Variants in SMARCA2 observed in about 807,000 individuals in gnomAD.
SMARCA2 encodes SWI/SNF related BAF chromatin remodeling complex subunit ATPase 2.
Under a neutral mutation model 199.8 loss-of-function variants are expected in SMARCA2, and 61 were observed. The observed-to-expected ratio is 0.31, with a 90% confidence interval of 0.25 to 0.38. The LOEUF is 0.38. SMARCA2 is among the 10% of genes least tolerant of loss of function. SMARCA2 has a pLI of 1.00. For missense variants in SMARCA2, 1,344 were observed against 2,012.2 expected (o/e 0.67, Z 6.35); for synonymous variants, 935 against 732.0 (o/e 1.28, Z -4.48).
intron 26 of SMARCA2, among the ~76,000 whole-genome samples, chr9:2,121,347 C>G (rs997085855): frequency 1.3e-5 from 2 of 152,148 alleles, no homozygotes; most frequent in African/African-American, 4.8e-5. Flanking sequence ...TTTGTAGGCA[C>G]TTTGATTTTG....
At chr9:2,074,038 C>G (rs1027741202) in intron 12 of SMARCA2, among the ~76,000 whole-genome samples, 1 of 152,114 alleles carries the variant, frequency 6.6e-6, no homozygotes, top group African/African-American at 2.4e-5. Flanking sequence ...ATTTGCAATT[C>G]TGAGTCTGGA....
In SMARCA2 at chr9:2,108,347, C is replaced by A. The variant is rs909434729; in HGVS notation, c.3293-1907C>A. On this transcript the variant is annotated intron_variant, in intron 23 of 33. Transcript: ENST00000349721. Reference sequence around the variant, plus strand: ...GCAGCAAGACCTTCAGCTACTGCAGCCTTCAGCTTCATGGAAAAAGAGAAA... The same window carrying A: ...GCAGCAAGACCTTCAGCTACTGCAGACTTCAGCTTCATGGAAAAAGAGAAA... Among the ~76,000 whole-genome samples, 6 of 152,324 alleles carry A rather than the reference C, an allele frequency of 3.9e-5. No individual in the cohort carries two copies. The East Asian group carries it at 9.6e-4, about 24-fold the overall frequency.
intron 32 of SMARCA2, 103 bp downstream of exon 32, chr9:2,186,331 G>T: frequency 1.6e-6 from 2 of 1,229,330 alleles, no homozygotes; most frequent in African/African-American, 3.3e-5. Flanking sequence ...GGCAGATCTG[G>T]ATTGGAGCCC....
In SMARCA2 at chr9:2,135,928, G is replaced by A. The variant is rs138277193; in HGVS notation, c.3981+11991G>A. Among the ~76,000 whole-genome samples the A allele has an allele frequency of 1.1e-4, 17 of 152,084 alleles. No individual in the cohort carries two copies. The East Asian group carries it at 2.3e-3, about 21-fold the overall frequency. On this transcript the variant is annotated intron_variant, in intron 27 of 33. Coordinates refer to ENST00000349721, the MANE Select transcript of SMARCA2 (RefSeq NM_003070.5). Reference sequence around the variant, plus strand: ...GCAATCTTGGCTCATTGCTACCTCCGCCTCCCAGGTTCAAGTAATTCTTCT... The same window carrying A: ...GCAATCTTGGCTCATTGCTACCTCCACCTCCCAGGTTCAAGTAATTCTTCT...
At chr9:2,025,917 G>A (rs1484589234) in intron 1 of SMARCA2, among the ~76,000 whole-genome samples, 4 of 152,168 alleles carry the variant, frequency 2.6e-5, no homozygotes, top group Non-Finnish European at 5.9e-5. Flanking sequence ...GGGCAGCCCT[G>A]ATTTTGCCTT....
chr9:2,046,273 C>T (rs1013501644), intron 4 of SMARCA2, among the ~76,000 whole-genome samples: 3 of 152,160 alleles, frequency 2.0e-5, no homozygotes, highest in African/African-American at 7.2e-5. Context: ...AAATTTAAGT[C>T]TGTACCTAGT....
At chr9:2,175,454 C>T (rs1176819616) in intron 29 of SMARCA2, among the ~76,000 whole-genome samples, 2 of 152,084 alleles carry the variant, frequency 1.3e-5, no homozygotes, top group Admixed American at 6.5e-5. Flanking sequence ...TTGCAACATA[C>T]AACATATTAA....
At chr9:2,032,701 T>C (rs1819124205) in intron 2 of SMARCA2, 2 of 328,498 alleles carry the variant, frequency 6.1e-6, no homozygotes, top group South Asian at 4.8e-5. Flanking sequence ...TTTCATTGCC[T>C]GTTCTGATAT....
At chr9:2,190,003 C>A (rs1458259257) in intron 32 of SMARCA2, among the ~76,000 whole-genome samples, 1 of 152,180 alleles carries the variant, frequency 6.6e-6, no homozygotes, top group Admixed American at 6.5e-5. Context: ...TCTAGCAAAG[C>A]TAGCTTGAAT....
rs1822934592 is a variant in SMARCA2 at position 2,110,183 on chromosome 9, C to G, written c.3293-71C>G. 3.2e-6 allele frequency: 4 copies of G among 1,253,502 alleles called. No individual in the cohort carries two copies. Among genetic ancestry groups the G allele is most frequent in the South Asian group, 1.5e-5 (1 of 66,038 alleles). 77.6% of individuals were successfully genotyped at this position (1,253,502 alleles called of 1,614,324 possible). A position where few individuals can be genotyped will look rare whatever the true frequency, so the allele number is the denominator to read the frequency against. ...GGGTATATTTCTTGAAGGAAGCAAG[C>G]CTTTTTGTCTCATTCTGTGCCATTT... On this transcript the variant is annotated intron_variant, in intron 23 of 33. Coordinates refer to ENST00000349721, the MANE Select transcript of SMARCA2 (RefSeq NM_003070.5). This position sits in a 1 kb window ranked among gnomAD's most constrained non-coding sequence, Gnocchi z 4.8.
At position 2,104,184 on chromosome 9, in the gene SMARCA2, C is replaced by T. The variant is rs2130556495; in HGVS notation, c.3292+15C>T. 2.5e-6 allele frequency: 4 copies of T among 1,603,792 alleles called. No individual in the cohort carries two copies. The highest frequency in any genetic ancestry group is 3.4e-6 in the Non-Finnish European group (4 of 1,173,040). On this transcript the variant is annotated intron_variant, in intron 23 of 33. Coordinates refer to ENST00000349721, the MANE Select transcript of SMARCA2 (RefSeq NM_003070.5). This position sits in a 1 kb window ranked among gnomAD's most constrained non-coding sequence, Gnocchi z 4.0. ...ACGCCTTGATGGTAAGTGCATAAGGCATTAGGCTCGGAAGCCATACTACTG... is the reference window on the plus strand; with the variant it reads ...ACGCCTTGATGGTAAGTGCATAAGGTATTAGGCTCGGAAGCCATACTACTG...
At chr9:2,144,635 C>CT (rs1824632592) in intron 27 of SMARCA2, among the ~76,000 whole-genome samples, 1 of 152,156 alleles carries the variant, frequency 6.6e-6, no homozygotes, top group Non-Finnish European at 1.5e-5. Flanking sequence ...GGATTGGAGT[C>CT]TATGATCTAG....
intron 28 of SMARCA2, among the ~76,000 whole-genome samples, chr9:2,163,366 C>A (rs1000479408): frequency 4.6e-5 from 7 of 152,160 alleles, no homozygotes; most frequent in African/African-American, 1.7e-4. Flanking sequence ...ACCAACGGTT[C>A]ATTAATGAAG....
chr9:2,038,145 T>C (rs1819412324), intron 3 of SMARCA2, among the ~76,000 whole-genome samples: 1 of 152,242 alleles, frequency 6.6e-6, no homozygotes, highest in Non-Finnish European at 1.5e-5. Flanking sequence ...ACCAAATTTG[T>C]ATTAGATCAT....
chr9:2,083,996 A>T (rs1400509608), intron 16 of SMARCA2, 90 bp from the exon 17 acceptor site: 9 of 688,058 alleles, frequency 1.3e-5, no homozygotes, highest in Non-Finnish European at 2.3e-5. Context: ...CTTCAGTCAC[A>T]TGTCTGGGCA....
Position 2,032,968 on chromosome 9 carries a change from A to C in SMARCA2, c.242A>C (p.His81Pro), listed in dbSNP as rs201962378. 7 of 1,613,960 alleles carry C rather than the reference A, an allele frequency of 4.3e-6. No homozygotes were observed. In the East Asian group the frequency reaches 1.3e-4, roughly 31 times the overall value. Residue 81 changes from histidine to proline, a missense_variant, in exon 3 of 34, where the codon CAT becomes CCT. This residue lies in a region of SMARCA2 where 275 missense variants were observed against 247.5 expected (regional missense o/e 1.11). Transcript: ENST00000349721. Reference sequence around the variant, plus strand: ...ATGTTTCAGCCCATCGATGGTATACATGACAAGGGGATTGTAGAAGACATC... The same window carrying C: ...ATGTTTCAGCCCATCGATGGTATACCTGACAAGGGGATTGTAGAAGACATC... ...HQMHKPIDGI[H>P]DKGIVEDIHC... is the part of the protein sequence containing the mutation.
chr9:2,173,713 A>C (rs1013890457), intron 29 of SMARCA2, among the ~76,000 whole-genome samples: 2 of 152,052 alleles, frequency 1.3e-5, no homozygotes, highest in Admixed American at 6.5e-5. Context: ...TCCTTCTTGG[A>C]GATTCCCAGT....
chr9:2,168,929 C>G (rs1047156272), intron 28 of SMARCA2, among the ~76,000 whole-genome samples: 5 of 152,170 alleles, frequency 3.3e-5, no homozygotes, highest in Non-Finnish European at 5.9e-5. Flanking sequence ...TAGTTACAAT[C>G]TACTCTGTAA....
Position 2,079,611 on chromosome 9 carries a change from G to A in SMARCA2, c.2184+1835G>A, listed in dbSNP as rs191620272. Among the ~76,000 whole-genome samples, 3 of 128,470 alleles carry A rather than the reference G, an allele frequency of 2.3e-5. No individual in the cohort carries two copies. The East Asian group carries it at 5.8e-4, about 25-fold the overall frequency. 84.3% of individuals were successfully genotyped at this position (128,470 alleles called of 152,430 possible). On this transcript the variant is annotated intron_variant, in intron 14 of 33. Coordinates refer to ENST00000349721, the MANE Select transcript of SMARCA2 (RefSeq NM_003070.5). ...CTCGTGGATCTCCTTCCAAGATCTT[G>A]GGGGGCCCTGAGAACCCCTGGAACA... is the stretch of plus-strand genomic sequence containing the variant.
Sources: allele counts gnomAD v4.1 joint callset (sites outside exome capture counted in the v4.1 genomes callset), GRCh38; gene constraint gnomAD v4.1.1; regional missense constraint gnomAD v4.1.1; non-coding constraint Gnocchi (gnomAD v3.1); transcripts MANE v1.5; gene names NCBI Gene and HGNC (gene_info 2026-07-23, HGNC 2026-07-21).